TANC2: variants seen among roughly 807,000 people sequenced by gnomAD.
The protein encoded by TANC2 is tetratricopeptide repeat, ankyrin repeat and coiled-coil containing 2.
In TANC2, 26 loss-of-function variants were observed where a neutral mutation model predicts 210.5. The observed-to-expected ratio is 0.12, with a 90% CI of 0.09 to 0.17. The LOEUF (loss-of-function observed/expected upper bound fraction) is 0.17, where lower values mean the gene tolerates loss of function less well. Ranked by LOEUF, TANC2 falls within the 10% of genes least tolerant of loss-of-function variation. The pLI, the probability that TANC2 is intolerant of heterozygous loss-of-function variation, is 1.00. For missense variants in TANC2, 2,129 were observed against 2,608.9 expected (o/e 0.82, Z 4.01); for synonymous variants, 931 against 967.1 (o/e 0.96, Z 0.69).
intron 26 of TANC2, among the ~76,000 whole-genome samples, chr17:63,417,379 AG>A (rs1030433225): frequency 6.6e-6 from 1 of 152,096 alleles, no homozygotes; most frequent in African/African-American, 2.4e-5. Flanking sequence ...TTAGTATTTA[AG>A]GGAATACTGA....
At position 63,373,912 on chromosome 17, in the gene TANC2, C is replaced by T. The variant is rs542410509; in HGVS notation, c.2583-5806C>T. Among the ~76,000 whole-genome samples the T allele has an allele frequency of 1.6e-4, 24 of 151,740 alleles. No individual in the cohort carries two copies. The East Asian group carries it at 4.3e-3, about 27-fold the overall frequency. On this transcript the variant is annotated intron_variant, in intron 14 of 27. Transcript: ENST00000689528. ...AGGAGAATTGCTTGAACCCAGGAGG[C>T]GGAGGTTGCAATGAACCAAGATCAT...
At chr17:63,425,106 T>C (rs527971392) in exon 28 of TANC2, 1 of 87,578 alleles carries the variant, frequency 1.1e-5, no homozygotes, top group Admixed American at 1.2e-4. Flanking sequence ...ATTTTGTATC[T>C]GCTGTTGTAT....
At chr17:63,305,637 A>G (rs2044876798) in intron 9 of TANC2, 1 of 152,246 alleles carries the variant, frequency 6.6e-6, no homozygotes, top group African/African-American at 2.4e-5. Flanking sequence ...AGTATTTAAA[A>G]TGTTAATAAG....
chr17:63,141,920 A>C (rs1395037504), intron 4 of TANC2, among the ~76,000 whole-genome samples: 1 of 152,254 alleles, frequency 6.6e-6, no homozygotes, highest in Non-Finnish European at 1.5e-5. Context: ...AAAAGTTTTT[A>C]AACTTTTTTA....
At chr17:63,157,676 C>T (rs748662595) in intron 5 of TANC2, among the ~76,000 whole-genome samples, 36 of 151,640 alleles carry the variant, frequency 2.4e-4, no homozygotes, top group East Asian at 5.8e-4. Context: ...TGTAAAGATA[C>T]GACATATTAA....
intron 9 of TANC2, among the ~76,000 whole-genome samples, chr17:63,304,857 C>G (rs954312217): frequency 3.3e-5 from 5 of 152,206 alleles, no homozygotes; most frequent in African/African-American, 1.2e-4. Flanking sequence ...GGCACTCTGT[C>G]CGCGGTCTGC....
In TANC2 at chr17:63,238,085, T is replaced by TTTGTTG. The variant is rs565306580; in HGVS notation, c.1033+24_1033+29dup. 4 of 1,527,990 alleles carry TTTGTTG rather than the reference T, an allele frequency of 2.6e-6. No homozygotes were observed. The highest frequency in any genetic ancestry group is 3.5e-6 in the Non-Finnish European group (4 of 1,137,188). The allele number at this position is 1,527,990 out of a possible 1,614,324, so 94.7% of individuals were successfully genotyped here. A position where few individuals can be genotyped will look rare whatever the true frequency, so the allele number is the denominator to read the frequency against. ...GGCCAAATTCAGTAGCAGGTAAGTT[T>TTTGTTG]TTGTTGTTGTTGTTGTTGTTGCTGT... On this transcript the variant is annotated intron_variant, in intron 8 of 27. Coordinates refer to ENST00000689528, the Ensembl canonical transcript of TANC2.
At chr17:63,051,662 G>T (rs145046950) in intron 2 of TANC2, among the ~76,000 whole-genome samples, 3 of 152,132 alleles carry the variant, frequency 2.0e-5, no homozygotes, top group Non-Finnish European at 4.4e-5. Flanking sequence ...AACTATGATT[G>T]TGTGAAAGTG....
intron 1 of TANC2, among the ~76,000 whole-genome samples, chr17:62,969,338 A>G (rs1338658506): frequency 2.6e-5 from 4 of 152,222 alleles, no homozygotes; most frequent in African/African-American, 9.6e-5. Context: ...CTAAGTTTCC[A>G]TTTAGGAATG....
At chr17:63,357,305 A>G (rs1417152569) in intron 14 of TANC2, among the ~76,000 whole-genome samples, 1 of 152,230 alleles carries the variant, frequency 6.6e-6, no homozygotes, top group Non-Finnish European at 1.5e-5. Context: ...TCCTTACAAC[A>G]GATGAAATCC....
chr17:63,215,517 G>A (rs2042001385), intron 7 of TANC2, among the ~76,000 whole-genome samples: 1 of 152,078 alleles, frequency 6.6e-6, no homozygotes, highest in South Asian at 2.1e-4. Context: ...CCAGACTTCA[G>A]GGAGGGGAGA....
intron 9 of TANC2, among the ~76,000 whole-genome samples, chr17:63,280,951 G>A (rs923091394): frequency 5.9e-5 from 9 of 152,108 alleles, no homozygotes; most frequent in East Asian, 3.9e-4. Context: ...AAATGAATGC[G>A]CACTTTGCTA....
Position 63,418,259 on chromosome 17 carries a change from T to C in TANC2, c.4168-48T>C. On this transcript the variant is annotated intron_variant, in intron 26 of 27. Transcript: ENST00000689528. This position sits in a 1 kb window ranked among gnomAD's most constrained non-coding sequence, Gnocchi z 4.6. ...TTTGTTTTATTCCCAAGTTGTCTAT[T>C]TTTTATATCTCATCAATGACTCATT... The C allele has an allele frequency of 2.6e-6, 4 of 1,542,984 alleles. No individual in the cohort carries two copies. The South Asian group carries it at 3.6e-5, about 14-fold the overall frequency.
chr17:63,414,038 C>T (rs2048786514), intron 25 of TANC2: 1 of 153,784 alleles, frequency 6.5e-6, no homozygotes, highest in African/African-American at 2.4e-5. Flanking sequence ...GTAACAATAG[C>T]TTATCAGCAT....
At chr17:63,381,675 A>G (rs2047614297) in intron 15 of TANC2, among the ~76,000 whole-genome samples, 1 of 152,200 alleles carries the variant, frequency 6.6e-6, no homozygotes, top group South Asian at 2.1e-4. Context: ...TCATTGGATA[A>G]GCCCCCAAGG....
chr17:63,360,993 G>A (rs2046942437), intron 14 of TANC2, among the ~76,000 whole-genome samples: 1 of 152,186 alleles, frequency 6.6e-6, no homozygotes, highest in African/African-American at 2.4e-5. Flanking sequence ...TTTTATGGCT[G>A]AATAATACTC....
chr17:62,980,622 G>A (rs762273483), intron 1 of TANC2, among the ~76,000 whole-genome samples: 3 of 152,144 alleles, frequency 2.0e-5, no homozygotes, highest in Non-Finnish European at 2.9e-5. Flanking sequence ...ATTCAACTCT[G>A]TGGCATATCC....
At chr17:63,365,237 G>A (rs1464102190) in intron 14 of TANC2, among the ~76,000 whole-genome samples, 1 of 152,190 alleles carries the variant, frequency 6.6e-6, no homozygotes, top group Non-Finnish European at 1.5e-5. Flanking sequence ...AAAGCGGGTA[G>A]ATCTCCACAT....
chr17:63,398,235 A>G (rs1473584017), intron 18 of TANC2, among the ~76,000 whole-genome samples: 1 of 152,290 alleles, frequency 6.6e-6, no homozygotes, highest in East Asian at 1.9e-4. Context: ...ACTTGAGGCC[A>G]GGAGTTCAAG....
Sources: allele counts gnomAD v4.1 joint callset (sites outside exome capture counted in the v4.1 genomes callset), GRCh38; gene constraint gnomAD v4.1.1; non-coding constraint Gnocchi (gnomAD v3.1); transcripts MANE v1.5; gene names NCBI Gene and HGNC (gene_info 2026-07-23, HGNC 2026-07-21).